Variants in GALNT18 observed in about 807,000 individuals in gnomAD.
The protein encoded by GALNT18 is polypeptide N-acetylgalactosaminyltransferase 18.
GALNT18 carries 44 observed loss-of-function variants against 69.5 expected under a neutral mutation model. That is an observed-to-expected ratio of 0.63 (90% CI 0.50 to 0.81). The LOEUF is 0.81. GALNT18 is among the 40% of genes least tolerant of loss of function. GALNT18 has a pLI of 0.00. For synonymous variants in GALNT18, 364 were observed against 318.2 expected (o/e 1.14, Z -1.53); for missense variants, 715 against 810.0 (o/e 0.88, Z 1.42).
At chr11:11,301,581 G>A (rs1407460302) in intron 9 of GALNT18, among the ~76,000 whole-genome samples, 1 of 152,236 alleles carries the variant, frequency 6.6e-6, no homozygotes, top group Non-Finnish European at 1.5e-5. Flanking sequence ...ACATGTGTAA[G>A]GCTGGGTTTC....
chr11:11,276,590 A>G (rs970264101), intron 10 of GALNT18, among the ~76,000 whole-genome samples: 6 of 152,092 alleles, frequency 3.9e-5, no homozygotes, highest in African/African-American at 1.4e-4. Context: ...GTGGTGAGAG[A>G]GGGCATCCCT....
intron 1 of GALNT18, among the ~76,000 whole-genome samples, chr11:11,534,496 A>G (rs1314933825): frequency 6.6e-6 from 1 of 152,252 alleles, no homozygotes; most frequent in Non-Finnish European, 1.5e-5. Flanking sequence ...GCAAAAGTGA[A>G]TATAACACAG....
chr11:11,308,216 CGCCGTGTAA>C (rs1357572695), intron 9 of GALNT18, among the ~76,000 whole-genome samples: 1 of 152,178 alleles, frequency 6.6e-6, no homozygotes, highest in Non-Finnish European at 1.5e-5. Context: ...GGAAGAACCT[CGCCGTGTAA>C]GCGATGGTGG....
intron 1 of GALNT18, among the ~76,000 whole-genome samples, chr11:11,519,277 A>C (rs1388674338): frequency 1.3e-5 from 2 of 152,242 alleles, no homozygotes; most frequent in Non-Finnish European, 2.9e-5. Context: ...AAGGAAAGTC[A>C]ACAGAGGTAG....
chr11:11,399,529 G>C (rs955228745), intron 3 of GALNT18, among the ~76,000 whole-genome samples: 3 of 152,104 alleles, frequency 2.0e-5, no homozygotes, highest in Non-Finnish European at 4.4e-5. Flanking sequence ...AGGGCTGCAG[G>C]TCAGGAACAC....
At chr11:11,294,893 G>A (rs1319141802) in intron 9 of GALNT18, among the ~76,000 whole-genome samples, 3 of 152,154 alleles carry the variant, frequency 2.0e-5, no homozygotes, top group Non-Finnish European at 2.9e-5. Flanking sequence ...CAGTGATTAC[G>A]CCTCAGAAAC....
In GALNT18 at chr11:11,616,603, G is replaced by C. The variant is rs1860056283; in HGVS notation, c.235+4756C>G. Among the ~76,000 whole-genome samples the C allele has an allele frequency of 6.6e-6, 1 of 152,186 alleles. No individual in the cohort carries two copies. Among genetic ancestry groups the C allele is most frequent in the Non-Finnish European group, 1.5e-5 (1 of 68,032 alleles). ...ATACTATGCAGTCATTAAAAATACA[G>C]TAAAAGTTCTCTTTAGAAACTCTCC... On this transcript the variant is annotated intron_variant, in intron 1 of 10. Coordinates refer to ENST00000227756, the MANE Select transcript of GALNT18 (RefSeq NM_198516.3). This position sits in a 1 kb window ranked among gnomAD's most constrained non-coding sequence, Gnocchi z 4.4.
chr11:11,400,991 G>A (rs1432681598), intron 3 of GALNT18, among the ~76,000 whole-genome samples: 7 of 152,148 alleles, frequency 4.6e-5, no homozygotes, highest in South Asian at 2.1e-4. Context: ...CAATGGCTGA[G>A]GGTCGGCCGG....
chr11:11,430,958 A>T lies in GALNT18; in HGVS notation c.595+1663T>A, dbSNP rs1244101941. 1.3e-5 allele frequency among the ~76,000 whole-genome samples: 2 copies of T among 152,202 alleles called. No homozygotes were observed. The highest frequency in any genetic ancestry group is 2.9e-5 in the Non-Finnish European group (2 of 68,034). ...CTTTAGATAGTTATTGCCATTTACA[A>T]AATAGAGTTCAAACTCTTTAAGTTC... On this transcript the variant is annotated intron_variant, in intron 3 of 10. Coordinates refer to ENST00000227756, the MANE Select transcript of GALNT18 (RefSeq NM_198516.3). The surrounding 1 kb of genome is among the most constrained non-coding windows in gnomAD (Gnocchi z 4.9).
intron 1 of GALNT18, among the ~76,000 whole-genome samples, chr11:11,615,652 CA>C (rs1186308943): frequency 2.0e-5 from 3 of 152,024 alleles, no homozygotes; most frequent in Non-Finnish European, 4.4e-5. Context: ...CAGTTATTTT[CA>C]ACTTTTTTTT....
chr11:11,279,234 C>T (rs550324856), intron 10 of GALNT18, among the ~76,000 whole-genome samples: 10 of 152,284 alleles, frequency 6.6e-5, no homozygotes, highest in African/African-American at 2.4e-4. Context: ...TCCTGTACAG[C>T]CTGAAGAATC....
At chr11:11,358,859 A>ACACACG (rs1554921791) in intron 6 of GALNT18, among the ~76,000 whole-genome samples, 1,548 of 130,056 alleles carry the variant, frequency 0.012, 213 homozygotes, top group African/African-American at 0.023. Context: ...ACACACACAC[A>ACACACG]CACGCACAGA....
In GALNT18 at chr11:11,406,748, G is replaced by T. The variant is rs115180607; in HGVS notation, c.595+25873C>A. 5.5e-3 allele frequency among the ~76,000 whole-genome samples: 833 copies of T among 152,344 alleles called. 14 individuals are homozygous for T. Among genetic ancestry groups the T allele is most frequent in the African/African-American group, 0.018 (755 of 41,576 alleles). ...AACAAATATGATAATCAGAATACAT[G>T]GGAGATGCCTGAGATAAAAGCCAGC... On this transcript the variant is annotated intron_variant, in intron 3 of 10. Coordinates refer to ENST00000227756, the MANE Select transcript of GALNT18 (RefSeq NM_198516.3).
At chr11:11,375,009 G>C (rs1482253024) in intron 5 of GALNT18, among the ~76,000 whole-genome samples, 1 of 152,202 alleles carries the variant, frequency 6.6e-6, no homozygotes, top group Non-Finnish European at 1.5e-5. Context: ...TTGACTGGCA[G>C]TCAGTTTGAA....
chr11:11,280,129 C>T (rs528698106), intron 10 of GALNT18, among the ~76,000 whole-genome samples: 1 of 152,254 alleles, frequency 6.6e-6, no homozygotes, highest in South Asian at 2.1e-4. Flanking sequence ...TGCTGTGCCC[C>T]ACACCCCAGG....
rs7481541 is a variant in GALNT18 at position 11,436,893 on chromosome 11, G to C, written c.429-4106C>G. On this transcript the variant is annotated intron_variant, in intron 2 of 10. Coordinates refer to ENST00000227756, the MANE Select transcript of GALNT18 (RefSeq NM_198516.3). This position sits in a 1 kb window ranked among gnomAD's most constrained non-coding sequence, Gnocchi z 4.5. The stretch of plus-strand genomic sequence containing the variant: ...TGGACCCAAGCCCAGAGCTTTTGCT[G>C]CAGAGTCCAGCCACTTTCTCGGCCT... Among the ~76,000 whole-genome samples, 54,469 of 152,058 alleles carry C rather than the reference G, an allele frequency of 0.36. 10,071 individuals are homozygous for C. Among genetic ancestry groups the C allele is most frequent in the East Asian group, 0.55 (2,836 of 5,162 alleles).
At chr11:11,352,746 T>C (rs559008541) in intron 6 of GALNT18, 2 of 1,614,174 alleles carry the variant, frequency 1.2e-6, no homozygotes, top group East Asian at 2.2e-5. Flanking sequence ...TAACGTCTGG[T>C]ACAATTGCTT....
In GALNT18 at chr11:11,454,030, C is replaced by T. The variant is rs1238797193; in HGVS notation, c.236-5094G>A. On this transcript the variant is annotated intron_variant, in intron 1 of 10. Transcript: ENST00000227756. The surrounding 1 kb of genome is among the most constrained non-coding windows in gnomAD (Gnocchi z 4.2). The stretch of plus-strand genomic sequence containing the variant: ...AACAGCATCTGGCGCCTAGTAGGTG[C>T]TTAACCAATACCAGTAAAATGAACG... Among the ~76,000 whole-genome samples, 1 of 152,182 alleles carries T rather than the reference C, an allele frequency of 6.6e-6. No homozygotes were observed. The highest frequency in any genetic ancestry group is 2.4e-5 in the African/African-American group (1 of 41,426).
chr11:11,364,713 A>T (rs1047199289), intron 6 of GALNT18, among the ~76,000 whole-genome samples: 5 of 152,252 alleles, frequency 3.3e-5, no homozygotes, highest in African/African-American at 1.2e-4. Context: ...TGACAGTATT[A>T]CAGTATTCTT....
Sources: gnomAD v4.1 joint callset for allele counts (sites outside exome capture counted in the v4.1 genomes callset) on GRCh38, gnomAD v4.1.1 for gene constraint, Gnocchi (gnomAD v3.1) non-coding constraint, MANE v1.5 for transcripts, NCBI Gene and HGNC (gene_info 2026-07-23, HGNC 2026-07-21) for gene names.